The following PTGER3 variants were observed in gnomAD, a reference collection of about 807,000 sequenced individuals.
The protein encoded by PTGER3 is prostaglandin E receptor 3.
In PTGER3, 22 loss-of-function variants were observed where a neutral mutation model predicts 34.7. The observed-to-expected ratio is 0.63, with a 90% CI of 0.45 to 0.91. The LOEUF is 0.91. PTGER3 is among the 40% of genes least tolerant of loss of function. The pLI is 0.00. For missense variants in PTGER3, 468 were observed against 519.4 expected (o/e 0.90, Z 0.96); for synonymous variants, 241 against 230.1 (o/e 1.05, Z -0.43).
intron 1 of PTGER3, among the ~76,000 whole-genome samples, chr1:71,040,445 A>C (rs1416625427): frequency 6.6e-6 from 1 of 151,904 alleles, no homozygotes; most frequent in Admixed American, 6.6e-5. Context: ...CTAGTAAAAA[A>C]AAAATACAAA....
chr1:70,907,436 G>A (rs190624554), intron 4 of PTGER3, among the ~76,000 whole-genome samples: 11 of 152,322 alleles, frequency 7.2e-5, no homozygotes, highest in Non-Finnish European at 1.5e-4. Flanking sequence ...GACATGATGC[G>A]AAAGCCAGAA....
chr1:70,975,771 T>G (rs145911458), intron 2 of PTGER3, among the ~76,000 whole-genome samples: 9 of 152,256 alleles, frequency 5.9e-5, no homozygotes, highest in African/African-American at 2.2e-4. Flanking sequence ...TGCACAGAAA[T>G]TTTATGGTTC....
At chr1:70,927,269 C>G (rs1312717758) in intron 4 of PTGER3, among the ~76,000 whole-genome samples, 1 of 151,956 alleles carries the variant, frequency 6.6e-6, no homozygotes, top group Admixed American at 6.6e-5. Context: ...CCAGTTCTTC[C>G]TTGTACCTCT....
At chr1:71,029,129 T>C (rs539187708) in intron 1 of PTGER3, among the ~76,000 whole-genome samples, 1 of 152,364 alleles carries the variant, frequency 6.6e-6, no homozygotes, top group Admixed American at 6.5e-5. Context: ...TGCAAAACTC[T>C]TAAAGCTAGG....
intron 1 of PTGER3, among the ~76,000 whole-genome samples, chr1:71,032,238 A>C (rs1659472882): frequency 6.6e-6 from 1 of 152,106 alleles, no homozygotes; most frequent in African/African-American, 2.4e-5. Flanking sequence ...GCCACCTCTC[A>C]TTATACTCTT....
At chr1:71,040,478 G>A (rs1213953635) in intron 1 of PTGER3, among the ~76,000 whole-genome samples, 1 of 151,948 alleles carries the variant, frequency 6.6e-6, no homozygotes, top group Non-Finnish European at 1.5e-5. Flanking sequence ...ATGTGGTGGT[G>A]CATGCCTGTA....
At chr1:70,945,745 TA>T (rs755082475) in intron 4 of PTGER3, among the ~76,000 whole-genome samples, 1 of 152,118 alleles carries the variant, frequency 6.6e-6, no homozygotes, top group Non-Finnish European at 1.5e-5. Flanking sequence ...TTTAACTTTT[TA>T]AAAAATCTCA....
At chr1:70,871,355 C>T (rs867573380) in intron 4 of PTGER3, among the ~76,000 whole-genome samples, 32 of 152,148 alleles carry the variant, frequency 2.1e-4, no homozygotes, top group African/African-American at 7.7e-4. Context: ...ATGGATCTGC[C>T]TGGATGAACC....
At chr1:71,041,972 A>G (rs1457398187) in intron 1 of PTGER3, among the ~76,000 whole-genome samples, 2 of 152,190 alleles carry the variant, frequency 1.3e-5, no homozygotes, top group Non-Finnish European at 2.9e-5. Context: ...CCTGTGGTGC[A>G]TATTCCTGAG....
At chr1:70,992,891 T>C (rs957030008) in intron 2 of PTGER3, among the ~76,000 whole-genome samples, 9 of 152,198 alleles carry the variant, frequency 5.9e-5, no homozygotes, top group African/African-American at 2.2e-4. Flanking sequence ...CCATGCTAAT[T>C]TGAATACTAT....
At chr1:70,996,705 G>A (rs1039544033) in intron 2 of PTGER3, among the ~76,000 whole-genome samples, 10 of 123,744 alleles carry the variant, frequency 8.1e-5, no homozygotes, top group African/African-American at 1.3e-4. Context: ...GCTCTGTCGC[G>A]CAGGCTGGAG....
At chr1:71,008,770 C>T (rs1657189879) in intron 2 of PTGER3, 6 of 961,132 alleles carry the variant, frequency 6.2e-6, no homozygotes, top group Non-Finnish European at 7.4e-6. Context: ...AAACAAGCAG[C>T]TGTGAAAATT....
chr1:70,854,477 G>A (rs1645755667), intron 4 of PTGER3, among the ~76,000 whole-genome samples: 1 of 152,136 alleles, frequency 6.6e-6, no homozygotes, highest in Non-Finnish European at 1.5e-5. Context: ...ATGTCAAAAT[G>A]TAATCTCCAC....
intron 2 of PTGER3, chr1:71,011,078 G>C: frequency 1.0e-6 from 1 of 985,634 alleles, no homozygotes. Context: ...TACTATGTTT[G>C]GTGGGGAGAC....
intron 4 of PTGER3, among the ~76,000 whole-genome samples, chr1:70,908,603 C>G (rs74089143): frequency 0.028 from 4,295 of 152,296 alleles, 227 homozygotes; most frequent in African/African-American, 0.099. Flanking sequence ...CTTTCCTCCA[C>G]CATCTAAATA....
intron 2 of PTGER3, chr1:71,009,452 A>G: frequency 2.0e-6 from 2 of 982,098 alleles, no homozygotes; most frequent in Non-Finnish European, 2.4e-6. Flanking sequence ...TATTGAGATA[A>G]CTCATTTTTG....
At position 70,917,322 on chromosome 1, in the gene PTGER3, A is replaced by T. The variant is rs542758222; in HGVS notation, c.*23+36441T>A. On this transcript the variant is annotated intron_variant, in intron 4 of 4. Coordinates refer to the PTGER3 transcript ENST00000370931. ...TTTTTGTGCCTGTTTAATTTCACTT[A>T]ATATAATGTCCTTCAGGTTCATCTG... Among the ~76,000 whole-genome samples the T allele has an allele frequency of 9.2e-5, 14 of 151,468 alleles. No homozygotes were observed. The East Asian group carries it at 1.7e-3, about 19-fold the overall frequency.
chr1:70,951,872 A>C (rs1650790818), downstream of PTGER3, among the ~76,000 whole-genome samples: 1 of 152,218 alleles, frequency 6.6e-6, no homozygotes, highest in Non-Finnish European at 1.5e-5. Context: ...ACCATGAAGG[A>C]AACAAATGAG....
chr1:71,011,466 C>A (rs1657440736), intron 2 of PTGER3: 5 of 985,114 alleles, frequency 5.1e-6, no homozygotes, highest in Non-Finnish European at 6.0e-6. Context: ...TCTGAAAAAC[C>A]ACTTCACGAC....
Sources: gnomAD v4.1 joint callset for allele counts (sites outside exome capture counted in the v4.1 genomes callset) on GRCh38, gnomAD v4.1.1 for gene constraint, MANE v1.5 for transcripts, NCBI Gene and HGNC (gene_info 2026-07-23, HGNC 2026-07-21) for gene names.